Variants in ZDHHC11 observed in about 807,000 individuals in gnomAD.
The protein encoded by ZDHHC11 is palmitoyltransferase ZDHHC11.
In ZDHHC11, 44 loss-of-function variants were observed where a neutral mutation model predicts 51.3. The observed-to-expected ratio is 0.86, with a 90% CI of 0.67 to 1.10. The LOEUF (loss-of-function observed/expected upper bound fraction) is 1.10. Ranked by LOEUF, ZDHHC11 falls within the 50% of genes least tolerant of loss-of-function variation. ZDHHC11 has a pLI of 0.00. For missense variants in ZDHHC11, 400 were observed against 537.7 expected (o/e 0.74, Z 2.53); for synonymous variants, 163 against 222.0 (o/e 0.73, Z 2.36).
intron 7 of ZDHHC11, among the ~76,000 whole-genome samples, chr5:828,029 CAT>C (rs1223662584): frequency 1.3e-5 from 2 of 151,306 alleles, no homozygotes; most frequent in Admixed American, 6.6e-5. Context: ...GGACACAGCA[CAT>C]GTTTCAGAGA....
chr5:799,123 G>C (rs1436467749), intron 12 of ZDHHC11, among the ~76,000 whole-genome samples: 1 of 151,994 alleles, frequency 6.6e-6, no homozygotes, highest in Non-Finnish European at 1.5e-5. Flanking sequence ...CATAGGACGT[G>C]TTTGTGTCAT....
rs1475313899 is a variant in ZDHHC11, at chr5:810,316, C to A, written c.1181+4445G>T. ...GGCGCTGGGGATTAGGGTCTTCACA[C>A]GCGAAATCCTGCTCCCTGTTCCCAC... On this transcript the variant is annotated intron_variant, in intron 11 of 12. Transcript: ENST00000283441. Among the ~76,000 whole-genome samples the A allele has an allele frequency of 1.3e-5, 2 of 148,424 alleles. 1 individual carries two copies. The highest frequency in any genetic ancestry group is 3.9e-4 in the East Asian group (2 of 5,130).
chr5:845,339 C>T (rs1745963056), intron 3 of ZDHHC11, among the ~76,000 whole-genome samples: 1 of 152,288 alleles, frequency 6.6e-6, no homozygotes, highest in South Asian at 2.1e-4. Flanking sequence ...CTGGACAGGA[C>T]TCCCCTCTTC....
upstream of ZDHHC11, among the ~76,000 whole-genome samples, chr5:852,744 G>A (rs1055035453): frequency 5.4e-5 from 8 of 148,458 alleles, no homozygotes; most frequent in Non-Finnish European, 1.0e-4. Flanking sequence ...AGCAAACCGG[G>A]GGACAGACCC....
At chr5:859,906 G>A (rs576001643), upstream of ZDHHC11, among the ~76,000 whole-genome samples, 6 of 152,320 alleles carry the variant, frequency 3.9e-5, no homozygotes, top group African/African-American at 7.2e-5. Context: ...AGCTGCTGAC[G>A]CTGACTTTGG....
In ZDHHC11 at chr5:804,373, C is replaced by G. The variant is rs1021462507; in HGVS notation, c.1182-3209G>C. Among the ~76,000 whole-genome samples the G allele has an allele frequency of 4.0e-5, 6 of 151,226 alleles. 1 individual carries two copies. Among genetic ancestry groups the G allele is most frequent in the Non-Finnish European group, 8.9e-5 (6 of 67,674 alleles). On this transcript the variant is annotated intron_variant, in intron 11 of 12. Coordinates refer to ENST00000283441, the MANE Select transcript of ZDHHC11 (RefSeq NM_024786.3). ...TTGGTACTATCTACAGTTTCAGATA[C>G]TTACTGAGAGTCTTGGAACGTATCC...
intron 11 of ZDHHC11, among the ~76,000 whole-genome samples, chr5:805,070 A>G (rs539418030): frequency 1.3e-5 from 2 of 151,532 alleles, no homozygotes; most frequent in Admixed American, 1.3e-4. Context: ...CACTGTATAA[A>G]GATGTAATCA....
Position 825,159 on chromosome 5 carries a change from CT to C in ZDHHC11, c.1023+4del. On this transcript the variant is annotated splice_donor_region_variant and intron_variant, in intron 8 of 12. Coordinates refer to ENST00000283441, the MANE Select transcript of ZDHHC11 (RefSeq NM_024786.3). ...CGGGGTGCATCGCTGGTGACTGCAA[CT>C]TACCCGTGCCGTCGAATCCCCATCC... 6.2e-7 allele frequency: 1 copy of C among 1,610,718 alleles called. No homozygotes were observed. The highest frequency in any genetic ancestry group is 8.5e-7 in the Non-Finnish European group (1 of 1,177,276).
intron 10 of ZDHHC11, chr5:816,834 C>A: frequency 2.1e-6 from 1 of 476,684 alleles, no homozygotes; most frequent in Non-Finnish European, 4.1e-6. Flanking sequence ...GCAGATACAC[C>A]CTGAAGCTGA....
At chr5:834,107 A>G (rs1743441275) in intron 6 of ZDHHC11, among the ~76,000 whole-genome samples, 1 of 152,234 alleles carries the variant, frequency 6.6e-6, no homozygotes, top group South Asian at 2.1e-4. Context: ...TAGCAAAAAA[A>G]CGCAGGAGAC....
intron 11 of ZDHHC11, among the ~76,000 whole-genome samples, chr5:806,988 C>T (rs1207684722): frequency 5.3e-5 from 8 of 151,058 alleles, no homozygotes; most frequent in Non-Finnish European, 7.4e-5. Context: ...GGAATAGCCC[C>T]GGGAGAAATG....
Position 800,718 on chromosome 5 carries a change from C to G in ZDHHC11, c.*7+382G>C, listed in dbSNP as rs190752316. On this transcript the variant is annotated intron_variant, in intron 12 of 12. Transcript: ENST00000283441. ...TTTAAGCAGAAAGCAGGGATAGGTA[C>G]GGTCAGAGGCATCTAATCAGAGACC... is the stretch of plus-strand genomic sequence containing the variant. Among the ~76,000 whole-genome samples, 34 of 151,316 alleles carry G rather than the reference C, an allele frequency of 2.2e-4. 1 individual carries two copies. Among genetic ancestry groups the G allele is most frequent in the African/African-American group, 3.9e-4 (16 of 41,286 alleles).
intron 10 of ZDHHC11, chr5:816,836 T>C (rs1019981712): frequency 2.1e-6 from 1 of 477,110 alleles, no homozygotes; most frequent in Non-Finnish European, 4.1e-6. Flanking sequence ...AGATACACCC[T>C]GAAGCTGACC....
At chr5:823,840 C>G (rs1384495088) in intron 8 of ZDHHC11, 1 of 347,476 alleles carries the variant, frequency 2.9e-6, no homozygotes, top group Non-Finnish European at 5.8e-6. Flanking sequence ...TGGACAAACA[C>G]AGGCAGAGAA....
intron 11 of ZDHHC11, among the ~76,000 whole-genome samples, chr5:802,825 C>CAAAAAAAAAAAAAAAAA (rs70957306): frequency 5.2e-5 from 1 of 19,116 alleles, no homozygotes; most frequent in African/African-American, 1.1e-4. Context: ...TACAAAAATA[C>CAAAAAAAAAAAAAAAAA]AAAAAAAAAA....
chr5:842,715 TCTC>T (rs1208433958), intron 4 of ZDHHC11: 1 of 925,332 alleles, frequency 1.1e-6, no homozygotes, highest in African/African-American at 1.8e-5. Context: ...GGGGGCAGCT[TCTC>T]CAGCAGACTC....
chr5:811,207 A>G (rs1288576029), intron 11 of ZDHHC11, among the ~76,000 whole-genome samples: 1 of 140,428 alleles, frequency 7.1e-6, no homozygotes, highest in East Asian at 2.0e-4. Context: ...CCAGAAATGG[A>G]TAAAGGAGAA....
intron 8 of ZDHHC11, chr5:824,104 A>G (rs773139315): frequency 2.2e-6 from 1 of 454,754 alleles, no homozygotes; most frequent in Non-Finnish European, 4.4e-6. Flanking sequence ...CTGCCCCCAC[A>G]GGGAAGGAGA....
chr5:799,178 G>A (rs1738049825), intron 12 of ZDHHC11, among the ~76,000 whole-genome samples: 1 of 151,656 alleles, frequency 6.6e-6, no homozygotes, highest in South Asian at 2.1e-4. Flanking sequence ...CCCTCTGAAG[G>A]GAGTGAGTTC....
Sources: gnomAD v4.1 joint callset for allele counts (sites outside exome capture counted in the v4.1 genomes callset) on GRCh38, gnomAD v4.1.1 for gene constraint, MANE v1.5 for transcripts, NCBI Gene and HGNC (gene_info 2026-07-23, HGNC 2026-07-21) for gene names.